The following BTBD1 variants were observed in gnomAD, a reference collection of about 807,000 sequenced individuals.
BTBD1 encodes BTB domain containing 1, also known as BTB/POZ domain-containing protein 1.
In BTBD1, 34 loss-of-function variants were observed where a neutral mutation model predicts 48.0. That is an observed-to-expected ratio of 0.71 (90% CI 0.54 to 0.94). The LOEUF (loss-of-function observed/expected upper bound fraction) is 0.94, where lower values mean the gene tolerates loss of function less well. Ranked by LOEUF, BTBD1 falls within the 40% of genes least tolerant of loss-of-function variation. BTBD1 has a pLI of 0.00. For synonymous variants in BTBD1, 261 were observed against 242.1 expected, an observed-to-expected ratio of 1.08 and a Z score of -0.72; for missense variants, 543 against 625.6, an observed-to-expected ratio of 0.87 and a Z score of 1.41.
At chr15:83,039,288 A>G (rs1261431570) in intron 4 of BTBD1, among the ~76,000 whole-genome samples, 1 of 152,180 alleles carries the variant, frequency 6.6e-6, no homozygotes, top group Admixed American at 6.6e-5. Context: ...CCTCAACATC[A>G]CTAATCATCA....
chr15:83,025,357 C>CAAAAAAAAAAAAAAAAAA (rs767479917), intron 5 of BTBD1, among the ~76,000 whole-genome samples: 2 of 64,176 alleles, frequency 3.1e-5, no homozygotes, highest in Non-Finnish European at 5.8e-5. Context: ...GACTCCATCA[C>CAAAAAAAAAAAAAAAAAA]AAAAAAAAAA....
chr15:83,042,659 C>G (rs928419075), intron 3 of BTBD1, among the ~76,000 whole-genome samples: 5 of 152,096 alleles, frequency 3.3e-5, no homozygotes, highest in Non-Finnish European at 7.4e-5. Context: ...GCTGGGATTA[C>G]AGGCGTGAGC....
intron 5 of BTBD1, among the ~76,000 whole-genome samples, 194 bp from the exon 6 acceptor site, chr15:83,020,956 A>G (rs766599706): frequency 1.3e-5 from 2 of 152,196 alleles, no homozygotes; most frequent in Non-Finnish European, 2.9e-5. Context: ...CTTAAGAGGA[A>G]CCTAAGAATT....
intron 3 of BTBD1, among the ~76,000 whole-genome samples, chr15:83,042,291 G>A (rs937009418): frequency 1.4e-5 from 2 of 145,094 alleles, no homozygotes; most frequent in African/African-American, 2.6e-5. Flanking sequence ...TAATTCATTC[G>A]TTCATTCAGT....
chr15:83,045,592 A>G (rs1370887014), intron 3 of BTBD1, among the ~76,000 whole-genome samples: 1 of 152,210 alleles, frequency 6.6e-6, no homozygotes, highest in East Asian at 1.9e-4. Flanking sequence ...CATAAGTAAT[A>G]TCCTAGCAAA....
chr15:83,065,927 C>T lies in BTBD1; in HGVS notation c.401+824G>A, dbSNP rs141744641. 8.5e-5 allele frequency among the ~76,000 whole-genome samples: 13 copies of T among 152,286 alleles called. No individual in the cohort carries two copies. The East Asian group carries it at 2.5e-3, about 29-fold the overall frequency. ...TGTAGAAACACAAAGCAGGTAAAGC[C>T]TCACTTGTCTGTTTTCGTATTTACT... On this transcript the variant is annotated intron_variant, in intron 1 of 7. Coordinates refer to ENST00000261721, the MANE Select transcript of BTBD1 (RefSeq NM_025238.4).
At chr15:83,038,531 C>G (rs12437901) in intron 4 of BTBD1, among the ~76,000 whole-genome samples, 28,809 of 151,870 alleles carry the variant, frequency 0.19, 2,930 homozygotes, top group Non-Finnish European at 0.22. Context: ...TCATTTTTCA[C>G]AGAACTAGAA....
At chr15:83,046,242 CAAAAAT>C (rs1177210852) in intron 3 of BTBD1, among the ~76,000 whole-genome samples, 6 of 152,016 alleles carry the variant, frequency 3.9e-5, no homozygotes, top group African/African-American at 1.4e-4. Context: ...CCAAAAAAAA[CAAAAAT>C]AATAATAATA....
chr15:83,051,269 A>T (rs1030412641), intron 2 of BTBD1, among the ~76,000 whole-genome samples: 1 of 152,140 alleles, frequency 6.6e-6, no homozygotes, highest in Non-Finnish European at 1.5e-5. Context: ...TTAGTTAACC[A>T]TATCATAAAT....
chr15:83,065,589 A>G (rs916197317), intron 1 of BTBD1, among the ~76,000 whole-genome samples: 1 of 152,234 alleles, frequency 6.6e-6, no homozygotes, highest in Non-Finnish European at 1.5e-5. Context: ...AGACTCTGCC[A>G]TTTTAATAAC....
At chr15:83,047,670 A>C (rs1015537530) in intron 3 of BTBD1, among the ~76,000 whole-genome samples, 2 of 152,188 alleles carry the variant, frequency 1.3e-5, no homozygotes, top group Non-Finnish European at 2.9e-5. Flanking sequence ...AGCAAAACAC[A>C]GATAATAGCT....
In BTBD1 at chr15:83,025,648, C is replaced by T. The variant is rs537953244; in HGVS notation, c.1055+4488G>A. ...TATATAGTGATATATAAAATTACTA[C>T]AATACAGTAACATATTGTAATAGTA... On this transcript the variant is annotated intron_variant, in intron 5 of 7. Coordinates refer to ENST00000261721, the MANE Select transcript of BTBD1 (RefSeq NM_025238.4). Among the ~76,000 whole-genome samples the T allele has an allele frequency of 3.9e-5, 6 of 152,160 alleles. 1 individual carries two copies. In the South Asian group the frequency reaches 1.2e-3, roughly 32 times the overall value.
intron 4 of BTBD1, 122 bp downstream of exon 4, chr15:83,041,606 C>T: frequency 1.2e-6 from 1 of 830,340 alleles, no homozygotes; most frequent in Non-Finnish European, 2.0e-6. Flanking sequence ...CTCCTGTCCT[C>T]AAGTGATCCA....
intron 1 of BTBD1, among the ~76,000 whole-genome samples, chr15:83,063,018 C>A (rs532342038): frequency 2.6e-5 from 4 of 152,190 alleles, no homozygotes; most frequent in Non-Finnish European, 4.4e-5. Context: ...CTTCATTATA[C>A]CTGACTCTCA....
intron 1 of BTBD1, among the ~76,000 whole-genome samples, chr15:83,058,618 T>A (rs1170290768): frequency 2.0e-5 from 3 of 151,664 alleles, no homozygotes; most frequent in Non-Finnish European, 2.9e-5. Context: ...AATTTTTTTT[T>A]AATTAAAAAA....
chr15:83,042,009 G>C, intron 3 of BTBD1, 84 bp from the exon 4 acceptor site: 1 of 1,166,190 alleles, frequency 8.6e-7, no homozygotes, highest in South Asian at 1.3e-5. Context: ...CTTATATTAA[G>C]TTTTCAGATC....
At chr15:83,051,574 G>A (rs968311040) in intron 2 of BTBD1, among the ~76,000 whole-genome samples, 1 of 150,822 alleles carries the variant, frequency 6.6e-6, no homozygotes, top group African/African-American at 2.4e-5. Context: ...ATTATACACT[G>A]AGCCTGTTTA....
intron 1 of BTBD1, among the ~76,000 whole-genome samples, chr15:83,063,733 T>C (rs1249232370): frequency 3.9e-5 from 6 of 152,240 alleles, no homozygotes; most frequent in South Asian, 2.1e-4. Flanking sequence ...CCTATCTTTT[T>C]GACCTCATTT....
At chr15:83,032,138 T>C (rs1441191912) in intron 4 of BTBD1, among the ~76,000 whole-genome samples, 1 of 152,044 alleles carries the variant, frequency 6.6e-6, no homozygotes, top group Non-Finnish European at 1.5e-5. Context: ...CTGACCAACA[T>C]GGTGAAACCC....
Sources: allele counts gnomAD v4.1 joint callset (sites outside exome capture counted in the v4.1 genomes callset), GRCh38; gene constraint gnomAD v4.1.1; transcripts MANE v1.5; gene names NCBI Gene and HGNC (gene_info 2026-07-23, HGNC 2026-07-21).